NRIP1: variants seen among roughly 807,000 people sequenced by gnomAD.
The protein encoded by NRIP1 is nuclear receptor interacting protein 1.
In NRIP1, 28 loss-of-function variants were observed where a neutral mutation model predicts 75.0. The observed-to-expected ratio is 0.37, with a 90% confidence interval of 0.28 to 0.51. The LOEUF (loss-of-function observed/expected upper bound fraction) is 0.51. Among genes scored for constraint, NRIP1 ranks in the 20% least tolerant of loss-of-function variants. The pLI is 0.92. For synonymous variants in NRIP1, 526 were observed against 487.6 expected (o/e 1.08, Z -1.04); for missense variants, 1,435 against 1,343.7 (o/e 1.07, Z -1.06).
At chr21:15,060,581 T>C (rs1247597864) in intron 1 of NRIP1, among the ~76,000 whole-genome samples, 3 of 152,142 alleles carry the variant, frequency 2.0e-5, no homozygotes, top group African/African-American at 7.2e-5. Flanking sequence ...AAAGAAAATG[T>C]GATCTAATAT....
Position 14,966,735 on chromosome 21 carries a change from G to C in NRIP1, c.1458C>G (p.Thr486=), listed in dbSNP as rs1428433578. The C allele has an allele frequency of 6.2e-7, 1 of 1,613,972 alleles. No homozygotes were observed. The highest frequency in any genetic ancestry group is 1.1e-5 in the South Asian group (1 of 91,076). ...GTGAGTTTAGCTTAGAATTCTTTGAGGTATCTTGATCTTCTTTGATATCTA... is the reference window on the plus strand; with the variant it reads ...GTGAGTTTAGCTTAGAATTCTTTGACGTATCTTGATCTTCTTTGATATCTA... The part of the protein sequence containing the change: ...PDVDIKEDQD[T]SKNSKLNSHQ... The change falls in exon 4 of 4, where the codon ACC becomes ACG. Residue 486 remains threonine, a synonymous_variant. Coordinates refer to ENST00000318948, the MANE Select transcript of NRIP1 (RefSeq NM_003489.4).
chr21:15,031,590 C>T (rs1311816831), intron 2 of NRIP1, among the ~76,000 whole-genome samples: 4 of 121,668 alleles, frequency 3.3e-5, no homozygotes, highest in African/African-American at 3.7e-5. Flanking sequence ...CTGGAAGGCG[C>T]TCGGAGGATC....
chr21:14,983,071 C>T (rs1420355438), intron 3 of NRIP1, among the ~76,000 whole-genome samples: 1 of 152,026 alleles, frequency 6.6e-6, no homozygotes, highest in Non-Finnish European at 1.5e-5. Context: ...ATTAATAACC[C>T]TACAATGGCC....
chr21:14,993,633 A>G (rs1052239973), intron 3 of NRIP1, among the ~76,000 whole-genome samples: 3 of 151,988 alleles, frequency 2.0e-5, no homozygotes, highest in Non-Finnish European at 4.4e-5. Context: ...TAAAAATAAA[A>G]AAATAGCTGG....
intron 1 of NRIP1, among the ~76,000 whole-genome samples, chr21:15,054,822 G>A (rs2147387948): frequency 6.6e-6 from 1 of 152,294 alleles, no homozygotes; most frequent in African/African-American, 2.4e-5. Flanking sequence ...TATTCATGGA[G>A]TTCTACCAAG....
chr21:15,053,601 G>T (rs1189134566), intron 1 of NRIP1, among the ~76,000 whole-genome samples: 1 of 152,124 alleles, frequency 6.6e-6, no homozygotes, highest in Non-Finnish European at 1.5e-5. Context: ...TGACACTAAT[G>T]AACAATGAGG....
At chr21:15,043,250 A>C (rs143612799) in intron 2 of NRIP1, among the ~76,000 whole-genome samples, 231 of 152,336 alleles carry the variant, frequency 1.5e-3, no homozygotes, top group African/African-American at 5.2e-3. Flanking sequence ...GTAAAATGTA[A>C]ATACCTCAGT....
intron 3 of NRIP1, among the ~76,000 whole-genome samples, chr21:14,999,237 A>G (rs1453765090): frequency 6.6e-6 from 1 of 152,166 alleles, no homozygotes; most frequent in Non-Finnish European, 1.5e-5. Context: ...TCGGCCTCCC[A>G]AACTGCTGGG....
At chr21:15,051,022 G>A (rs765237773) in intron 1 of NRIP1, 2 of 401,218 alleles carry the variant, frequency 5.0e-6, no homozygotes, top group East Asian at 7.2e-5. Flanking sequence ...GCAAACTAGC[G>A]AATCCTAAAC....
In NRIP1 at chr21:14,976,949, C is replaced by T. The variant is rs2087088689; in HGVS notation, c.-334-8423G>A. Among the ~76,000 whole-genome samples, 5 of 152,088 alleles carry T rather than the reference C, an allele frequency of 3.3e-5. No homozygotes were observed. In the South Asian group the frequency reaches 1.0e-3, roughly 32 times the overall value. ...CTTCCAATTGTGTCCATGAGATCTCCCCCAATTTGTTCTGCAATATCAAGT... is the reference window on the plus strand; with the variant it reads ...CTTCCAATTGTGTCCATGAGATCTCTCCCAATTTGTTCTGCAATATCAAGT... On this transcript the variant is annotated intron_variant, in intron 3 of 3. Coordinates refer to ENST00000318948, the MANE Select transcript of NRIP1 (RefSeq NM_003489.4).
chr21:15,011,347 G>A (rs1486810229), intron 3 of NRIP1, among the ~76,000 whole-genome samples: 3 of 152,004 alleles, frequency 2.0e-5, no homozygotes, highest in Non-Finnish European at 4.4e-5. Flanking sequence ...CCGCCATGGC[G>A]CCCGGCTAAT....
At chr21:15,004,924 G>T (rs2087929596) in intron 3 of NRIP1, among the ~76,000 whole-genome samples, 1 of 152,178 alleles carries the variant, frequency 6.6e-6, no homozygotes, top group African/African-American at 2.4e-5. Flanking sequence ...AATCACAGTT[G>T]CCAGAGGGAA....
intron 1 of NRIP1, among the ~76,000 whole-genome samples, chr21:15,057,966 A>C (rs1053398483): frequency 6.6e-6 from 1 of 152,202 alleles, no homozygotes. Flanking sequence ...CAAGTAACTA[A>C]ACAACTTCTT....
At chr21:14,993,965 G>T (rs1044977503) in intron 3 of NRIP1, among the ~76,000 whole-genome samples, 2 of 152,034 alleles carry the variant, frequency 1.3e-5, no homozygotes, top group Non-Finnish European at 2.9e-5. Flanking sequence ...TCCAATTCCT[G>T]ACAGATTCTG....
chr21:15,041,341 G>A (rs759563687), intron 2 of NRIP1, among the ~76,000 whole-genome samples: 169 of 152,210 alleles, frequency 1.1e-3, no homozygotes, highest in Non-Finnish European at 7.9e-4. Context: ...AGGCAGGATC[G>A]ATTAGAAAAT....
chr21:15,059,812 G>A (rs1301756543), intron 1 of NRIP1, among the ~76,000 whole-genome samples: 2 of 151,598 alleles, frequency 1.3e-5, no homozygotes, highest in African/African-American at 2.4e-5. Context: ...TTTTTGAATT[G>A]CCAGCCTTCT....
At chr21:15,056,963 A>G (rs1388853819) in intron 1 of NRIP1, among the ~76,000 whole-genome samples, 2 of 152,176 alleles carry the variant, frequency 1.3e-5, no homozygotes, top group Admixed American at 6.6e-5. Flanking sequence ...TTAAAAATGT[A>G]CTATGTGCCA....
chr21:15,010,572 T>A (rs950250398), intron 3 of NRIP1, among the ~76,000 whole-genome samples: 1 of 152,210 alleles, frequency 6.6e-6, no homozygotes, highest in Non-Finnish European at 1.5e-5. Context: ...ATTAAAAAAA[T>A]GTTAATTGTA....
Position 14,966,361 on chromosome 21 carries a change from T to G in NRIP1, c.1832A>C (p.Glu611Ala). The G allele has an allele frequency of 6.2e-7, 1 of 1,614,078 alleles. No individual in the cohort carries two copies. The highest frequency in any genetic ancestry group is 8.5e-7 in the Non-Finnish European group (1 of 1,179,966). The part of the protein sequence containing the change: ...DLTKSKDPPG[E>A]KPAQNEGAQN... ...TGCACCTTCATTTTGGGCTGGTTTCTCTCCTGGTGGGTCTTTGCTTTTTGT... is the reference window on the plus strand; with the variant it reads ...TGCACCTTCATTTTGGGCTGGTTTCGCTCCTGGTGGGTCTTTGCTTTTTGT... The change falls in exon 4 of 4, where the codon GAG becomes GCG. Residue 611 changes from glutamate (E) to alanine (A), a missense_variant. Transcript: ENST00000318948.
Sources: gnomAD v4.1 joint callset for allele counts (sites outside exome capture counted in the v4.1 genomes callset) on GRCh38, gnomAD v4.1.1 for gene constraint, MANE v1.5 for transcripts, NCBI Gene and HGNC (gene_info 2026-07-23, HGNC 2026-07-21) for gene names.